Variants in ANGPT1 observed in about 807,000 individuals in gnomAD.
ANGPT1 encodes the protein angiopoietin 1, also known as angiopoietin-1.
ANGPT1 carries 17 observed loss-of-function variants against 62.2 expected under a neutral mutation model. The ratio of observed to expected loss-of-function variants is 0.27; its 90% confidence interval spans 0.19 to 0.41. ANGPT1 has a LOEUF of 0.41. ANGPT1 is among the 10% of genes least tolerant of loss of function. ANGPT1 has a pLI of 1.00. For synonymous variants in ANGPT1, 199 were observed against 198.9 expected (o/e 1.00, Z 0.00); for missense variants, 478 against 594.9 (o/e 0.80, Z 2.04).
chr8:107,369,849 T>C (rs1417665102), intron 1 of ANGPT1, among the ~76,000 whole-genome samples: 2 of 152,008 alleles, frequency 1.3e-5, no homozygotes, highest in East Asian at 3.9e-4. Flanking sequence ...ATCTCAATGA[T>C]CTCAAAGATC....
At chr8:107,465,988 T>C (rs1272532646) in intron 1 of ANGPT1, among the ~76,000 whole-genome samples, 2 of 152,202 alleles carry the variant, frequency 1.3e-5, no homozygotes, top group African/African-American at 4.8e-5. Context: ...CTCCTCTGGT[T>C]AGCCGTTCCA....
At position 107,361,028 on chromosome 8, in the gene ANGPT1, A is replaced by G. The variant is rs73702050; in HGVS notation, c.298-13931T>C. Among the ~76,000 whole-genome samples the G allele has an allele frequency of 9.7e-3, 1,476 of 152,264 alleles. 28 individuals carry two copies. Among genetic ancestry groups the G allele is most frequent in the African/African-American group, 0.029 (1,187 of 41,560 alleles). On this transcript the variant is annotated intron_variant, in intron 1 of 8. Coordinates refer to ENST00000517746, the MANE Select transcript of ANGPT1 (RefSeq NM_001146.5). ...ATTAGCATTTTCTTTCATTTACTCA[A>G]CCAAAACAGAGACATCATCTTCACG... is the stretch of plus-strand genomic sequence containing the variant.
chr8:107,310,844 C>T (rs1164059312), intron 4 of ANGPT1, among the ~76,000 whole-genome samples: 1 of 152,056 alleles, frequency 6.6e-6, no homozygotes, highest in Non-Finnish European at 1.5e-5. Context: ...TCCCAGCCTA[C>T]GGACTATTTG....
intron 1 of ANGPT1, among the ~76,000 whole-genome samples, chr8:107,448,823 G>A (rs1158590115): frequency 2.0e-5 from 3 of 152,200 alleles, no homozygotes; most frequent in African/African-American, 7.2e-5. Flanking sequence ...GCACAAACAT[G>A]TGCATTAGTA....
chr8:107,289,108 G>A (rs1563551991), intron 6 of ANGPT1, among the ~76,000 whole-genome samples: 1 of 152,028 alleles, frequency 6.6e-6, no homozygotes, highest in Non-Finnish European at 1.5e-5. Context: ...TCACCTGAAA[G>A]GTTTTGATTC....
chr8:107,263,340 G>A (rs1185185447), intron 8 of ANGPT1, among the ~76,000 whole-genome samples: 1 of 71,996 alleles, frequency 1.4e-5, no homozygotes, highest in Non-Finnish European at 2.4e-5. Flanking sequence ...GGCAAGAAGA[G>A]CAAAACTCAG....
chr8:107,257,111 C>T (rs1563536856), intron 8 of ANGPT1, among the ~76,000 whole-genome samples: 2 of 152,140 alleles, frequency 1.3e-5, no homozygotes, highest in Admixed American at 6.5e-5. Context: ...CGAATCACCT[C>T]GGCCTCCCAA....
At chr8:107,399,517 C>G (rs535513645) in intron 1 of ANGPT1, among the ~76,000 whole-genome samples, 2 of 152,250 alleles carry the variant, frequency 1.3e-5, no homozygotes, top group South Asian at 4.1e-4. Context: ...TTAATTTTGA[C>G]CCATTAAAAA....
chr8:107,386,908 C>T (rs1029669312), intron 1 of ANGPT1, among the ~76,000 whole-genome samples: 23 of 151,820 alleles, frequency 1.5e-4, no homozygotes, highest in African/African-American at 5.1e-4. Context: ...TCTATGGTAA[C>T]GTGATATAAT....
At chr8:107,313,892 A>T (rs1260614228) in intron 4 of ANGPT1, among the ~76,000 whole-genome samples, 2 of 152,206 alleles carry the variant, frequency 1.3e-5, no homozygotes, top group Admixed American at 6.5e-5. Flanking sequence ...CTTACAGTAT[A>T]AAAAATTTCA....
chr8:107,350,065 C>G (rs112630942), intron 1 of ANGPT1, among the ~76,000 whole-genome samples: 7 of 152,196 alleles, frequency 4.6e-5, no homozygotes, highest in African/African-American at 1.7e-4. Flanking sequence ...ACTAAGCACA[C>G]TGTTTAGTTC....
chr8:107,465,936 A>T (rs1378464360), intron 1 of ANGPT1, among the ~76,000 whole-genome samples: 2 of 152,154 alleles, frequency 1.3e-5, no homozygotes, highest in Non-Finnish European at 2.9e-5. Flanking sequence ...TCTAGGAACA[A>T]GTTCCAGGAA....
At chr8:107,466,849 T>G (rs547668041) in intron 1 of ANGPT1, among the ~76,000 whole-genome samples, 67 of 152,094 alleles carry the variant, frequency 4.4e-4, no homozygotes, top group Non-Finnish European at 6.5e-4. Flanking sequence ...GAGGCCGAGG[T>G]TGCAGTGAGC....
At chr8:107,349,322 C>A (rs532133065) in intron 1 of ANGPT1, among the ~76,000 whole-genome samples, 1 of 152,046 alleles carries the variant, frequency 6.6e-6, no homozygotes, top group Non-Finnish European at 1.5e-5. Flanking sequence ...GAGCAGCCAA[C>A]CTTTTTTCCC....
intron 2 of ANGPT1, among the ~76,000 whole-genome samples, chr8:107,343,054 C>T (rs1240103159): frequency 2.1e-5 from 3 of 144,052 alleles, no homozygotes; most frequent in Non-Finnish European, 3.0e-5. Context: ...AGGCTGGTGT[C>T]AAACTCCTGG....
chr8:107,296,894 A>G (rs1399186222), intron 5 of ANGPT1, among the ~76,000 whole-genome samples: 3 of 152,060 alleles, frequency 2.0e-5, no homozygotes, highest in Admixed American at 1.3e-4. Context: ...AGGAAACTAT[A>G]TTGTACAGTT....
intron 1 of ANGPT1, among the ~76,000 whole-genome samples, chr8:107,349,832 A>ATCTC (rs1815895027): frequency 6.6e-6 from 1 of 152,178 alleles, no homozygotes; most frequent in Non-Finnish European, 1.5e-5. Flanking sequence ...CTACATGGGG[A>ATCTC]GAATTTTAAA....
chr8:107,266,191 G>C (rs573452793), intron 7 of ANGPT1, among the ~76,000 whole-genome samples: 1 of 152,296 alleles, frequency 6.6e-6, no homozygotes, highest in South Asian at 2.1e-4. Context: ...ACGTGGAGGT[G>C]GGTTTCACCA....
chr8:107,389,282 A>G (rs995397388), intron 1 of ANGPT1, among the ~76,000 whole-genome samples: 4 of 152,182 alleles, frequency 2.6e-5, no homozygotes. Flanking sequence ...GATCATGGCA[A>G]GGACTACGTG....
Sources: gnomAD v4.1 joint callset for allele counts (sites outside exome capture counted in the v4.1 genomes callset) on GRCh38, gnomAD v4.1.1 for gene constraint, MANE v1.5 for transcripts, NCBI Gene and HGNC (gene_info 2026-07-23, HGNC 2026-07-21) for gene names.